The following GRM3 variants were observed in gnomAD, a reference collection of about 807,000 sequenced individuals.
GRM3 encodes the protein metabotropic glutamate receptor 3.
GRM3 carries 26 observed loss-of-function variants against 70.5 expected under a neutral mutation model. That is an observed-to-expected ratio of 0.37 (90% CI 0.27 to 0.51). The LOEUF (loss-of-function observed/expected upper bound fraction) is 0.51. GRM3 is among the 20% of genes least tolerant of loss of function. GRM3 has a pLI of 0.93. For missense variants in GRM3, 859 were observed against 1,123.8 expected, an observed-to-expected ratio of 0.76 and a Z score of 3.37; for synonymous variants, 443 against 434.9, an observed-to-expected ratio of 1.02 and a Z score of -0.23.
chr7:86,674,783 C>G (rs910545443), intron 1 of GRM3, among the ~76,000 whole-genome samples: 6 of 152,054 alleles, frequency 3.9e-5, no homozygotes, highest in African/African-American at 1.4e-4. Flanking sequence ...CACTGAACTG[C>G]TTGTTATTCA....
At chr7:86,658,618 G>A (rs1456883752) in intron 1 of GRM3, among the ~76,000 whole-genome samples, 2 of 152,146 alleles carry the variant, frequency 1.3e-5, no homozygotes, top group African/African-American at 4.8e-5. Context: ...CAGAAGTCAT[G>A]CCTGCTCACT....
At chr7:86,731,463 A>G (rs1795733069) in intron 1 of GRM3, among the ~76,000 whole-genome samples, 1 of 152,202 alleles carries the variant, frequency 6.6e-6, no homozygotes, top group Non-Finnish European at 1.5e-5. Flanking sequence ...AAACTCTATG[A>G]AAATAACAAT....
chr7:86,760,220 C>T (rs1435873055), intron 1 of GRM3, among the ~76,000 whole-genome samples: 2 of 151,890 alleles, frequency 1.3e-5, no homozygotes, highest in Non-Finnish European at 2.9e-5. Flanking sequence ...ATTTCATTTC[C>T]GACACCGAGT....
At chr7:86,732,513 G>A (rs561402731) in intron 1 of GRM3, among the ~76,000 whole-genome samples, 35 of 152,250 alleles carry the variant, frequency 2.3e-4, no homozygotes, top group Non-Finnish European at 4.1e-4. Context: ...AACCAATACG[G>A]CACAGTAATA....
intron 1 of GRM3, among the ~76,000 whole-genome samples, chr7:86,743,345 C>G (rs935330464): frequency 3.3e-5 from 5 of 152,058 alleles, no homozygotes; most frequent in Non-Finnish European, 7.4e-5. Context: ...CTCCCCCAGC[C>G]ACACACAGAA....
intron 1 of GRM3, among the ~76,000 whole-genome samples, chr7:86,711,535 A>G (rs960345608): frequency 3.9e-5 from 6 of 152,044 alleles, no homozygotes; most frequent in Non-Finnish European, 7.4e-5. Context: ...CCATCATTGC[A>G]CAACAATTAC....
At chr7:86,756,066 CTTTG>C (rs201703999) in intron 1 of GRM3, among the ~76,000 whole-genome samples, 4 of 151,906 alleles carry the variant, frequency 2.6e-5, no homozygotes, top group Admixed American at 1.3e-4. Flanking sequence ...TGTAGCATTT[CTTTG>C]TTTGTTTGTT....
chr7:86,755,407 A>G (rs2116376808), intron 1 of GRM3, among the ~76,000 whole-genome samples: 1 of 152,236 alleles, frequency 6.6e-6, no homozygotes, highest in African/African-American at 2.4e-5. Context: ...GGAAGTGGAA[A>G]CTAAAGACCC....
intron 1 of GRM3, among the ~76,000 whole-genome samples, chr7:86,716,992 A>G (rs1451199612): frequency 6.6e-6 from 1 of 151,890 alleles, no homozygotes; most frequent in Non-Finnish European, 1.5e-5. Context: ...CTTATTAACC[A>G]TGTGTACTTG....
At chr7:86,699,321 G>A in intron 1 of GRM3, among the ~76,000 whole-genome samples, 1 of 152,040 alleles carries the variant, frequency 6.6e-6, no homozygotes, top group East Asian at 1.9e-4. Flanking sequence ...CACCCCTTGT[G>A]AGTTATAAGT....
intron 1 of GRM3, among the ~76,000 whole-genome samples, chr7:86,693,356 T>C (rs1794738763): frequency 6.6e-6 from 1 of 152,186 alleles, no homozygotes; most frequent in Non-Finnish European, 1.5e-5. Context: ...CTAATACTGA[T>C]CTTTGCTGCT....
chr7:86,732,504 A>C (rs1795757521), intron 1 of GRM3, among the ~76,000 whole-genome samples: 1 of 152,224 alleles, frequency 6.6e-6, no homozygotes, highest in African/African-American at 2.4e-5. Flanking sequence ...CTATAGTTCA[A>C]CCAATACGGC....
At chr7:86,691,587 C>A (rs995114091) in intron 1 of GRM3, among the ~76,000 whole-genome samples, 1 of 152,110 alleles carries the variant, frequency 6.6e-6, no homozygotes, top group Non-Finnish European at 1.5e-5. Flanking sequence ...AAACTTAACC[C>A]CCAAAGCAAC....
At chr7:86,689,009 C>T (rs979928561) in intron 1 of GRM3, among the ~76,000 whole-genome samples, 3 of 148,774 alleles carry the variant, frequency 2.0e-5, no homozygotes, top group African/African-American at 7.3e-5. Context: ...ATTATATATT[C>T]AAAACCATGA....
chr7:86,724,420 T>C (rs1427629125), intron 1 of GRM3, among the ~76,000 whole-genome samples: 1 of 152,150 alleles, frequency 6.6e-6, no homozygotes, highest in Non-Finnish European at 1.5e-5. Flanking sequence ...TGTCTAACTT[T>C]ACAGCTTCCA....
chr7:86,784,955 G>T (rs902668379), intron 2 of GRM3, among the ~76,000 whole-genome samples: 1 of 152,182 alleles, frequency 6.6e-6, no homozygotes, highest in Non-Finnish European at 1.5e-5. Context: ...TTGGCTGTTG[G>T]TTTCTCTTGC....
intron 1 of GRM3, among the ~76,000 whole-genome samples, chr7:86,689,981 TC>T (rs1165861915): frequency 6.6e-6 from 1 of 152,124 alleles, no homozygotes; most frequent in Non-Finnish European, 1.5e-5. Context: ...TCTTTCCTAT[TC>T]TAGGATTGAG....
At chr7:86,687,746 T>A (rs771943150) in intron 1 of GRM3, among the ~76,000 whole-genome samples, 1 of 151,856 alleles carries the variant, frequency 6.6e-6, no homozygotes, top group Non-Finnish European at 1.5e-5. Context: ...CAATATATAA[T>A]GTCTTACAGA....
At position 86,791,552 on chromosome 7, in the gene GRM3, A is replaced by G. The variant is rs901327250; in HGVS notation, c.1324+4436A>G. ...CAGCTGGTTAGTAACAGGGGCCAGGACTGTTAGCTCGTTAGTAACAGGGGT... is the reference window on the plus strand; with the variant it reads ...CAGCTGGTTAGTAACAGGGGCCAGGGCTGTTAGCTCGTTAGTAACAGGGGT... On this transcript the variant is annotated intron_variant, in intron 3 of 5. Coordinates refer to ENST00000361669, the MANE Select transcript of GRM3 (RefSeq NM_000840.3). Among the ~76,000 whole-genome samples, 5 of 152,230 alleles carry G rather than the reference A, an allele frequency of 3.3e-5. 1 individual carries two copies. In the Middle Eastern group the frequency reaches 0.01, roughly 311 times the overall value.
Sources: allele counts gnomAD v4.1 joint callset (sites outside exome capture counted in the v4.1 genomes callset), GRCh38; gene constraint gnomAD v4.1.1; transcripts MANE v1.5; gene names NCBI Gene and HGNC (gene_info 2026-07-23, HGNC 2026-07-21).